The following GALNT13 variants were observed in gnomAD, a reference collection of about 807,000 sequenced individuals.
GALNT13 encodes the protein polypeptide N-acetylgalactosaminyltransferase 13.
A neutral mutation model predicts 64.2 loss-of-function variants in GALNT13; 28 were observed. That is an observed-to-expected ratio of 0.44 (90% CI 0.32 to 0.60). The LOEUF (loss-of-function observed/expected upper bound fraction) is 0.60. Among genes scored for constraint, GALNT13 ranks in the 20% least tolerant of loss-of-function variants. The pLI, the probability that GALNT13 is intolerant of heterozygous loss-of-function variation, is 0.05. For synonymous variants in GALNT13, 214 were observed against 224.6 expected (o/e 0.95, Z 0.42); for missense variants, 577 against 669.8 (o/e 0.86, Z 1.53).
the GALNT13 span, among the ~76,000 whole-genome samples, chr2:153,836,231 G>T: frequency 6.6e-6 from 1 of 151,868 alleles, no homozygotes; most frequent in Non-Finnish European, 1.5e-5. Context: ...TATATTTAAA[G>T]TGCACAACCT....
the GALNT13 span, among the ~76,000 whole-genome samples, chr2:153,467,820 T>C: frequency 6.6e-6 from 1 of 151,928 alleles, no homozygotes; most frequent in East Asian, 1.9e-4. Context: ...AACAATACAA[T>C]CCGATTAGAA....
At chr2:154,210,962 G>T (rs1425628742) in intron 4 of GALNT13, among the ~76,000 whole-genome samples, 2 of 152,128 alleles carry the variant, frequency 1.3e-5, no homozygotes, top group East Asian at 3.9e-4. Context: ...TATTATTAGA[G>T]ATGTTGAAAA....
At chr2:153,730,842 A>G in the GALNT13 span, among the ~76,000 whole-genome samples, 1 of 152,032 alleles carries the variant, frequency 6.6e-6, no homozygotes, top group Non-Finnish European at 1.5e-5. Flanking sequence ...ACAGTGAGAT[A>G]TTATCTTACA....
chr2:153,739,867 G>C, the GALNT13 span, among the ~76,000 whole-genome samples: 1 of 151,422 alleles, frequency 6.6e-6, no homozygotes, highest in East Asian at 1.9e-4. Context: ...ATAGGTTTAG[G>C]CTAGATTCTA....
the GALNT13 span, among the ~76,000 whole-genome samples, chr2:153,744,928 C>T: frequency 2.0e-5 from 3 of 151,990 alleles, no homozygotes; most frequent in Non-Finnish European, 2.9e-5. Flanking sequence ...GGTAGGGACA[C>T]GAAGGCCTGG....
intron 3 of GALNT13, among the ~76,000 whole-genome samples, chr2:153,956,232 A>G (rs1342708274): frequency 6.6e-6 from 1 of 152,204 alleles, no homozygotes; most frequent in African/African-American, 2.4e-5. Context: ...CAGAGGAGAA[A>G]AACTCAAAGG....
At chr2:154,375,033 C>A (rs1697904456) in intron 9 of GALNT13, among the ~76,000 whole-genome samples, 1 of 152,172 alleles carries the variant, frequency 6.6e-6, no homozygotes, top group African/African-American at 2.4e-5. Context: ...CTTGCCCAGG[C>A]TGGAGTGCAG....
intron 11 of GALNT13, among the ~76,000 whole-genome samples, chr2:154,422,969 TTATTA>T (rs1311337326): frequency 2.0e-5 from 3 of 152,084 alleles, no homozygotes; most frequent in Admixed American, 6.6e-5. Flanking sequence ...ATGTGCAGGT[TTATTA>T]TATAAGTATG....
chr2:154,293,366 A>G (rs56275062), intron 8 of GALNT13, among the ~76,000 whole-genome samples: 22,189 of 152,152 alleles, frequency 0.15, 1,642 homozygotes, highest in Middle Eastern at 0.18. Flanking sequence ...TTGATGTTGT[A>G]ATTTTAAAGA....
At chr2:153,882,716 A>G (rs1373048411) in intron 1 of GALNT13, among the ~76,000 whole-genome samples, 4 of 150,846 alleles carry the variant, frequency 2.7e-5, no homozygotes, top group African/African-American at 9.8e-5. Flanking sequence ...GTAACCTCAA[A>G]CTCCTGGGCT....
At chr2:153,798,998 T>C in the GALNT13 span, among the ~76,000 whole-genome samples, 2 of 152,138 alleles carry the variant, frequency 1.3e-5, no homozygotes, top group Non-Finnish European at 2.9e-5. Context: ...ATAAACTGTG[T>C]ATTTGTTTAC....
the GALNT13 span, among the ~76,000 whole-genome samples, chr2:153,418,878 AG>A: frequency 2.9e-4 from 44 of 152,166 alleles, no homozygotes; most frequent in African/African-American, 1.0e-3. Context: ...TAAATAAATA[AG>A]GTAAAATAAG....
At chr2:153,174,958 C>G in the GALNT13 span, among the ~76,000 whole-genome samples, 1 of 151,998 alleles carries the variant, frequency 6.6e-6, no homozygotes, top group Non-Finnish European at 1.5e-5. Context: ...CTCTCAGTAC[C>G]AAAATATTTG....
the GALNT13 span, among the ~76,000 whole-genome samples, chr2:153,497,522 ATTTTTTTTTTTTTTT>A: frequency 1.0e-3 from 38 of 36,898 alleles, no homozygotes; most frequent in South Asian, 0.019. Context: ...TTTCTCCCGC[ATTTTTTTTTTTTTTT>A]TTTTTTTTTT....
chr2:153,351,870 C>A, the GALNT13 span, among the ~76,000 whole-genome samples: 3 of 152,120 alleles, frequency 2.0e-5, no homozygotes, highest in African/African-American at 7.2e-5. Context: ...TGAAGGATAT[C>A]TTGGTTGTCT....
At chr2:153,994,243 A>G (rs1695366452) in intron 3 of GALNT13, among the ~76,000 whole-genome samples, 1 of 152,272 alleles carries the variant, frequency 6.6e-6, no homozygotes, top group African/African-American at 2.4e-5. Flanking sequence ...GAAGGATATG[A>G]ACTCATCCTT....
intron 4 of GALNT13, among the ~76,000 whole-genome samples, chr2:154,236,484 A>C (rs1045157629): frequency 6.6e-6 from 1 of 152,088 alleles, no homozygotes; most frequent in Non-Finnish European, 1.5e-5. Context: ...CAAGATTAAG[A>C]GCCACAGATA....
the GALNT13 span, among the ~76,000 whole-genome samples, chr2:153,558,327 G>A: frequency 9.4e-4 from 143 of 152,294 alleles, no homozygotes; most frequent in African/African-American, 3.1e-3. Context: ...CCACTGCTCT[G>A]CTTGAGCCTC....
At chr2:154,140,745 C>G (rs938644269) in intron 4 of GALNT13, among the ~76,000 whole-genome samples, 5 of 152,054 alleles carry the variant, frequency 3.3e-5, no homozygotes, top group Admixed American at 3.3e-4. Context: ...ACAGGTTTTT[C>G]TATGTGAGAT....
Sources: allele counts gnomAD v4.1 joint callset (sites outside exome capture counted in the v4.1 genomes callset), GRCh38; gene constraint gnomAD v4.1.1; transcripts MANE v1.5; gene names NCBI Gene and HGNC (gene_info 2026-07-23, HGNC 2026-07-21).